CGNL1: variants seen among roughly 807,000 people sequenced by gnomAD.
The protein encoded by CGNL1 is cingulin-like protein 1.
A neutral mutation model predicts 141.2 loss-of-function variants in CGNL1; 132 were observed. The ratio of observed to expected loss-of-function variants is 0.93; its 90% CI spans 0.81 to 1.08. The LOEUF (loss-of-function observed/expected upper bound fraction) is 1.08. CGNL1 is among the 50% of genes least tolerant of loss of function. The pLI is 0.00. For synonymous variants in CGNL1, 690 were observed against 622.1 expected (o/e 1.11, Z -1.63); for missense variants, 1,870 against 1,588.6 (o/e 1.18, Z -3.01).
At chr15:57,469,789 C>A (rs34872221) in intron 8 of CGNL1, among the ~76,000 whole-genome samples, 28,453 of 152,144 alleles carry the variant, frequency 0.19, 3,078 homozygotes, top group South Asian at 0.29. Flanking sequence ...CTGAGTCTTA[C>A]AGAAATGAAT....
At chr15:57,394,430 G>T (rs2062580399) in intron 1 of CGNL1, among the ~76,000 whole-genome samples, 1 of 152,020 alleles carries the variant, frequency 6.6e-6, no homozygotes, top group African/African-American at 2.4e-5. Flanking sequence ...CGGCTTATTT[G>T]GTTTTTATAG....
intron 8 of CGNL1, among the ~76,000 whole-genome samples, chr15:57,468,234 C>CTTTTTTTTTTTTTTTT (rs57360097): frequency 1.2e-5 from 1 of 85,914 alleles, no homozygotes; most frequent in African/African-American, 5.0e-5. Context: ...TTTTCTTTTT[C>CTTTTTTTTTTTTTTTT]TTTTTTTTTT....
At chr15:57,463,649 T>C (rs986463333) in intron 8 of CGNL1, among the ~76,000 whole-genome samples, 5 of 152,252 alleles carry the variant, frequency 3.3e-5, no homozygotes, top group Admixed American at 1.3e-4. Context: ...CCAAATCTGA[T>C]CGTGTCAGCC....
At chr15:57,484,066 C>G (rs1324405381) in intron 8 of CGNL1, among the ~76,000 whole-genome samples, 1 of 151,838 alleles carries the variant, frequency 6.6e-6, no homozygotes, top group Non-Finnish European at 1.5e-5. Context: ...TTCATGTTTT[C>G]CTTTCTTTTA....
intron 1 of CGNL1, among the ~76,000 whole-genome samples, chr15:57,413,128 G>A (rs1476641012): frequency 6.6e-6 from 1 of 152,076 alleles, no homozygotes; most frequent in African/African-American, 2.4e-5. Context: ...CAAAGTGCTG[G>A]GATTAGGGCG....
intron 18 of CGNL1, 131 bp from the exon 19 acceptor site, chr15:57,547,224 C>T: frequency 1.0e-6 from 1 of 997,378 alleles, no homozygotes; most frequent in Admixed American, 2.3e-5. Context: ...AGACCTGTTA[C>T]ATTCATGTGT....
intron 8 of CGNL1, among the ~76,000 whole-genome samples, chr15:57,490,602 G>T (rs2063846242): frequency 6.6e-6 from 1 of 152,180 alleles, no homozygotes; most frequent in African/African-American, 2.4e-5. Context: ...GGGAATAATA[G>T]AGGACTCTAC....
chr15:57,455,074 A>G (rs1461124185), intron 7 of CGNL1, among the ~76,000 whole-genome samples: 1 of 152,124 alleles, frequency 6.6e-6, no homozygotes, highest in Non-Finnish European at 1.5e-5. Flanking sequence ...TTTAAAAGTT[A>G]AGATATCAAA....
chr15:57,535,808 G>A (rs1316750876), intron 14 of CGNL1, among the ~76,000 whole-genome samples: 5 of 152,158 alleles, frequency 3.3e-5, no homozygotes, highest in Non-Finnish European at 5.9e-5. Context: ...GAGAAGGGGC[G>A]ACTGAGAGGA....
At chr15:57,477,592 G>A (rs1428532092) in intron 8 of CGNL1, 1 of 152,226 alleles carries the variant, frequency 6.6e-6, no homozygotes, top group South Asian at 2.1e-4. Context: ...CATGCTCTCT[G>A]ATTTACAGGG....
Position 57,543,758 on chromosome 15 carries a change from C to T in CGNL1, c.3354C>T (p.Asp1118=). 6.2e-7 allele frequency: 1 copy of T among 1,613,948 alleles called. No homozygotes were observed. The highest frequency in any genetic ancestry group is 1.7e-5 in the Admixed American group (1 of 60,008). Reference sequence around the variant, plus strand: ...CTGCGAGACAAGACTTGGAGTGCGACAAGATTTCCCTGGAGAGGCAGGTGA... The same window carrying T: ...CTGCGAGACAAGACTTGGAGTGCGATAAGATTTCCCTGGAGAGGCAGGTGA... ...ERAARQDLEC[D]KISLERQNKD... is the part of the protein sequence containing the mutation. Residue 1118 remains aspartate (D), a synonymous_variant, in exon 15 of 19, where the codon GAC becomes GAT. Transcript: ENST00000281282.
intron 1 of CGNL1, among the ~76,000 whole-genome samples, chr15:57,423,534 G>C (rs780128175): frequency 1.1e-4 from 17 of 152,110 alleles, no homozygotes; most frequent in Non-Finnish European, 2.4e-4. Context: ...CAGCTTCCAT[G>C]CCTTCCACTC....
At chr15:57,521,199 C>T (rs937459422) in intron 10 of CGNL1, among the ~76,000 whole-genome samples, 5 of 152,000 alleles carry the variant, frequency 3.3e-5, no homozygotes, top group African/African-American at 1.2e-4. Context: ...GAATTTGGGA[C>T]GTTTTCTCAG....
At chr15:57,465,823 T>G (rs1322994916) in intron 8 of CGNL1, among the ~76,000 whole-genome samples, 1 of 152,226 alleles carries the variant, frequency 6.6e-6, no homozygotes, top group African/African-American at 2.4e-5. Flanking sequence ...AACCAGCACT[T>G]TATCCTAGCT....
At chr15:57,531,857 G>A (rs1355859966) in intron 14 of CGNL1, 78 bp downstream of exon 14, 21 of 905,932 alleles carry the variant, frequency 2.3e-5, no homozygotes, top group Non-Finnish European at 3.5e-5. Flanking sequence ...TGGGGCTTCA[G>A]TTAAGTCCAG....
chr15:57,402,239 G>A (rs951338671), intron 1 of CGNL1, among the ~76,000 whole-genome samples: 8 of 152,170 alleles, frequency 5.3e-5, no homozygotes, highest in African/African-American at 1.4e-4. Flanking sequence ...GTGAGAGCTG[G>A]TTGCTTAAAA....
rs534071175 is a variant in CGNL1 at position 57,416,660 on chromosome 15, G to A, written c.-15-21325G>A. On this transcript the variant is annotated intron_variant, in intron 1 of 18. Coordinates refer to ENST00000281282, the MANE Select transcript of CGNL1 (RefSeq NM_032866.5). ...AGTGTCCTAGGAACTTGTCTCTACT[G>A]CTGGGGTGCACACACAGATGCTTTA... 2.6e-4 allele frequency among the ~76,000 whole-genome samples: 39 copies of A among 152,302 alleles called. No individual in the cohort carries two copies. The East Asian group carries it at 2.9e-3, about 11-fold the overall frequency.
chr15:57,391,720 G>A (rs916230502), intron 1 of CGNL1, among the ~76,000 whole-genome samples: 4 of 152,160 alleles, frequency 2.6e-5, no homozygotes, highest in Non-Finnish European at 5.9e-5. Flanking sequence ...GGGCTGTTGG[G>A]GGAGTTAGTT....
At chr15:57,525,208 G>A (rs77765244) in intron 12 of CGNL1, among the ~76,000 whole-genome samples, 3 of 152,272 alleles carry the variant, frequency 2.0e-5, no homozygotes, top group East Asian at 1.9e-4. Flanking sequence ...CAATAATGGC[G>A]AGTAAAAGAA....
Sources: gnomAD v4.1 joint callset for allele counts (sites outside exome capture counted in the v4.1 genomes callset) on GRCh38, gnomAD v4.1.1 for gene constraint, MANE v1.5 for transcripts, NCBI Gene and HGNC (gene_info 2026-07-23, HGNC 2026-07-21) for gene names.